Variants in PSD3 observed in about 807,000 individuals in gnomAD.
The protein encoded by PSD3 is PH and SEC7 domain-containing protein 3.
PSD3 carries 49 observed loss-of-function variants against 105.5 expected under a neutral mutation model. The ratio of observed to expected loss-of-function variants is 0.46; its 90% CI spans 0.37 to 0.59. The LOEUF is 0.59. PSD3 is among the 20% of genes least tolerant of loss of function. The pLI is 0.00. For synonymous variants in PSD3, 557 were observed against 457.8 expected, an observed-to-expected ratio of 1.22 and a Z score of -2.77; for missense variants, 1,561 against 1,263.8, an observed-to-expected ratio of 1.24 and a Z score of -3.57.
intron 10 of PSD3, among the ~76,000 whole-genome samples, chr8:18,648,401 C>G (rs1198895444): frequency 6.6e-6 from 1 of 152,176 alleles, no homozygotes. Context: ...AGGCACTGTG[C>G]CCCTGCCCTA....
At position 18,539,457 on chromosome 8, in the gene PSD3, T is replaced by C. The variant is rs111465852; in HGVS notation, c.2929-3499A>G. Among the ~76,000 whole-genome samples the C allele has an allele frequency of 6.2e-3, 950 of 152,330 alleles. 10 individuals are homozygous for C. Among genetic ancestry groups the C allele is most frequent in the African/African-American group, 0.022 (904 of 41,568 alleles). ...GAGAAGATGTGATTTGCATCTTTTT[T>C]CCTAAGACCGATTGTGAAATTTAAG... On this transcript the variant is annotated intron_variant, in intron 15 of 15. Coordinates refer to ENST00000327040, the MANE Select transcript of PSD3 (RefSeq NM_015310.4).
chr8:18,987,559 C>G (rs922139486), intron 1 of PSD3, among the ~76,000 whole-genome samples: 7 of 152,142 alleles, frequency 4.6e-5, no homozygotes, highest in Non-Finnish European at 8.8e-5. Context: ...AAATCTCTGC[C>G]TGTAATCCCA....
chr8:18,775,239 C>T (rs566594876), intron 8 of PSD3, among the ~76,000 whole-genome samples: 2 of 152,298 alleles, frequency 1.3e-5, no homozygotes, highest in South Asian at 4.1e-4. Context: ...TTATGTACCA[C>T]ATTTTCTATA....
chr8:18,550,183 T>C (rs1800678161), intron 15 of PSD3, among the ~76,000 whole-genome samples: 1 of 152,236 alleles, frequency 6.6e-6, no homozygotes, highest in Non-Finnish European at 1.5e-5. Context: ...AATCACATGA[T>C]TGGCTGCTTA....
chr8:18,937,568 G>T (rs776296241), intron 1 of PSD3, among the ~76,000 whole-genome samples: 1 of 152,224 alleles, frequency 6.6e-6, no homozygotes, highest in African/African-American at 2.4e-5. Context: ...AAGAGCTAGC[G>T]TGCACAACAT....
At chr8:18,560,911 C>G (rs1333487512) in intron 14 of PSD3, among the ~76,000 whole-genome samples, 1 of 152,152 alleles carries the variant, frequency 6.6e-6, no homozygotes, top group African/African-American at 2.4e-5. Flanking sequence ...CGGTAAGTGT[C>G]TTATAGAAGT....
At chr8:18,925,057 C>T (rs182062249) in intron 2 of PSD3, among the ~76,000 whole-genome samples, 1 of 152,260 alleles carries the variant, frequency 6.6e-6, no homozygotes, top group East Asian at 1.9e-4. Flanking sequence ...CAATAGAAGA[C>T]AGTATCCAGA....
chr8:18,755,654 A>C (rs1238844347), intron 9 of PSD3, among the ~76,000 whole-genome samples: 2 of 152,028 alleles, frequency 1.3e-5, no homozygotes, highest in Non-Finnish European at 2.9e-5. Context: ...ACCACCACTC[A>C]AACTTTTTTC....
chr8:18,723,010 CAT>C (rs1406348850), intron 9 of PSD3, among the ~76,000 whole-genome samples: 1 of 152,170 alleles, frequency 6.6e-6, no homozygotes, highest in Non-Finnish European at 1.5e-5. Context: ...CAACATAACT[CAT>C]ACTTTTAAAA....
chr8:18,761,523 C>T (rs970840238), intron 9 of PSD3, among the ~76,000 whole-genome samples: 1 of 152,086 alleles, frequency 6.6e-6, no homozygotes, highest in Non-Finnish European at 1.5e-5. Context: ...TGACGTAGTC[C>T]CCTGACTATT....
chr8:18,941,463 A>C (rs1188568964), intron 1 of PSD3, among the ~76,000 whole-genome samples: 1 of 152,158 alleles, frequency 6.6e-6, no homozygotes, highest in Non-Finnish European at 1.5e-5. Flanking sequence ...ATAAAATTAC[A>C]ATGGCATGAT....
chr8:18,681,593 T>G (rs901448893), intron 9 of PSD3, among the ~76,000 whole-genome samples: 5 of 151,968 alleles, frequency 3.3e-5, no homozygotes, highest in African/African-American at 1.2e-4. Flanking sequence ...ATGGGAGAAG[T>G]GATGCTTAAA....
intron 12 of PSD3, among the ~76,000 whole-genome samples, chr8:18,577,996 A>G (rs1563340869): frequency 6.6e-6 from 1 of 152,062 alleles, no homozygotes; most frequent in African/African-American, 2.4e-5. Context: ...TTTCTTTGAT[A>G]GGTATAGAAC....
At chr8:18,971,993 A>G (rs969085251) in intron 1 of PSD3, among the ~76,000 whole-genome samples, 1 of 152,152 alleles carries the variant, frequency 6.6e-6, no homozygotes, top group Non-Finnish European at 1.5e-5. Flanking sequence ...CAACACAGCA[A>G]GACTGTCAAA....
chr8:19,030,943 T>A (rs1399337469), intron 1 of PSD3, among the ~76,000 whole-genome samples: 1 of 152,212 alleles, frequency 6.6e-6, no homozygotes, highest in Non-Finnish European at 1.5e-5. Context: ...TAGAAGATCA[T>A]AGCAGAAACA....
chr8:18,769,181 A>G (rs895688228), intron 8 of PSD3, among the ~76,000 whole-genome samples: 1 of 152,214 alleles, frequency 6.6e-6, no homozygotes, highest in Non-Finnish European at 1.5e-5. Flanking sequence ...AGATGAATAA[A>G]TAATGACTAG....
chr8:18,858,512 T>C (rs1816197498), intron 4 of PSD3, among the ~76,000 whole-genome samples: 1 of 152,188 alleles, frequency 6.6e-6, no homozygotes, highest in African/African-American at 2.4e-5. Context: ...AATATTTCTC[T>C]GTAGCCTGTG....
chr8:18,832,889 G>A (rs912871937), intron 4 of PSD3, among the ~76,000 whole-genome samples: 3 of 152,104 alleles, frequency 2.0e-5, no homozygotes, highest in South Asian at 4.1e-4. Context: ...CTCCCACCAG[G>A]TGCCTCCCAT....
intron 9 of PSD3, among the ~76,000 whole-genome samples, chr8:18,735,235 C>T (rs571739431): frequency 2.6e-5 from 4 of 152,096 alleles, no homozygotes; most frequent in African/African-American, 7.2e-5. Flanking sequence ...GACTACTTAC[C>T]GCCAGGGCAG....
Sources: allele counts gnomAD v4.1 joint callset (sites outside exome capture counted in the v4.1 genomes callset), GRCh38; gene constraint gnomAD v4.1.1; transcripts MANE v1.5; gene names NCBI Gene and HGNC (gene_info 2026-07-23, HGNC 2026-07-21).